Variants in DIAPH2 observed in about 807,000 individuals in gnomAD.
The protein encoded by DIAPH2 is diaphanous related formin 2.
A neutral mutation model predicts 92.7 loss-of-function variants in DIAPH2; 35 were observed. The observed-to-expected ratio is 0.38, with a 90% CI of 0.29 to 0.50. The LOEUF (loss-of-function observed/expected upper bound fraction) is 0.50. Among genes scored for constraint, DIAPH2 ranks in the 20% least tolerant of loss-of-function variants. DIAPH2 has a pLI of 0.94. For synonymous variants in DIAPH2, 301 were observed against 280.4 expected (o/e 1.07, Z -0.73); for missense variants, 701 against 819.5 (o/e 0.86, Z 1.77).
intron 26 of DIAPH2, among the ~76,000 whole-genome samples, chrX:97,595,963 T>C (rs908274514): frequency 8.9e-6 from 1 of 112,231 alleles, no homozygotes; most frequent in African/African-American, 3.2e-5. Context: ...ACTATGTTCC[T>C]GTCTTCAACC....
chrX:96,805,624 A>G (rs1424947037), intron 4 of DIAPH2, among the ~76,000 whole-genome samples: 2 of 111,267 alleles, frequency 1.8e-5, no homozygotes, highest in African/African-American at 6.5e-5. Flanking sequence ...TTTGACTGTC[A>G]GAGCTCTCAC....
Position 96,918,550 on chromosome X carries a change from G to A in DIAPH2, c.911G>A (p.Arg304Lys), listed in dbSNP as rs760242953. The part of the protein sequence containing the change: ...LLGAITTAAE[R>K]NNRERFSPIV... ...GGGGCTATAACAACAGCAGCAGAAAGAAATAACAGGGAACGATTTTCACCA... is the reference window on the plus strand; with the variant it reads ...GGGGCTATAACAACAGCAGCAGAAAAAAATAACAGGGAACGATTTTCACCA... Residue 304 changes from arginine (R) to lysine (K), a missense_variant, in exon 9 of 27, where the codon AGA becomes AAA. By Grantham distance (26) the Arg-to-Lys change is conservative (BLOSUM62 2). This residue lies in a region of DIAPH2 where 536 missense variants were observed against 599.3 expected (regional missense o/e 0.89). Coordinates refer to ENST00000324765, the MANE Select transcript of DIAPH2 (RefSeq NM_006729.5). The A allele has an allele frequency of 1.0e-5, 12 of 1,205,217 alleles. No individual in the cohort carries two copies. The highest frequency in any genetic ancestry group is 1.1e-5 in the Non-Finnish European group (10 of 893,072).
At chrX:97,036,007 A>G (rs1015352114) in intron 17 of DIAPH2, among the ~76,000 whole-genome samples, 2 of 111,680 alleles carry the variant, frequency 1.8e-5, no homozygotes, top group African/African-American at 6.5e-5. Context: ...GAGCCAGAGA[A>G]GTGAGAAGAA....
chrX:97,101,123 CA>C (rs772104036), intron 20 of DIAPH2, among the ~76,000 whole-genome samples: 2 of 111,824 alleles, frequency 1.8e-5, no homozygotes, highest in East Asian at 5.6e-4. Context: ...TCAAAGTCCA[CA>C]CTTGAAGCCT....
At chrX:97,081,814 C>G (rs1215465771) in intron 19 of DIAPH2, 1 of 88,165 alleles carries the variant, frequency 1.1e-5, no homozygotes, top group Non-Finnish European at 2.2e-5. Context: ...GAGGGAAACT[C>G]CATCTCCAAA....
At chrX:96,807,031 C>T (rs1437869495) in intron 4 of DIAPH2, among the ~76,000 whole-genome samples, 2 of 111,974 alleles carry the variant, frequency 1.8e-5, no homozygotes, top group Non-Finnish European at 1.9e-5. Context: ...CGTGAGCCAC[C>T]GCGCCTGGCC....
At chrX:97,390,030 C>T (rs933807057) in intron 25 of DIAPH2, among the ~76,000 whole-genome samples, 1 of 110,088 alleles carries the variant, frequency 9.1e-6, no homozygotes, top group African/African-American at 3.3e-5. Flanking sequence ...TTGTTATCTA[C>T]ACAGCAGTTA....
intron 4 of DIAPH2, among the ~76,000 whole-genome samples, chrX:96,875,868 C>T (rs1217480331): frequency 9.0e-6 from 1 of 111,292 alleles, no homozygotes; most frequent in Non-Finnish European, 1.9e-5. Flanking sequence ...GACTTCATGT[C>T]TAAAACACCA....
intron 23 of DIAPH2, among the ~76,000 whole-genome samples, chrX:97,294,316 G>T (rs1185207264): frequency 9.0e-6 from 1 of 111,726 alleles, no homozygotes; most frequent in Non-Finnish European, 1.9e-5. Flanking sequence ...TTATTTATTA[G>T]GACTGGAAAG....
intron 26 of DIAPH2, among the ~76,000 whole-genome samples, chrX:97,451,579 T>G (rs1205787797): frequency 4.5e-5 from 5 of 111,943 alleles, no homozygotes; most frequent in Non-Finnish European, 9.4e-5. Context: ...GCAATGTTAT[T>G]GGTTTCATTT....
At chrX:97,488,575 G>C (rs774988213) in intron 26 of DIAPH2, among the ~76,000 whole-genome samples, 3 of 111,647 alleles carry the variant, frequency 2.7e-5, no homozygotes, top group Non-Finnish European at 5.6e-5. Flanking sequence ...AGTTTTGTAG[G>C]TTTAGGTCTT....
At chrX:97,557,632 G>A (rs975961948) in intron 26 of DIAPH2, among the ~76,000 whole-genome samples, 6 of 112,338 alleles carry the variant, frequency 5.3e-5, no homozygotes, top group African/African-American at 1.9e-4. Flanking sequence ...AGTATAAAAC[G>A]AAGTGAAACA....
intron 24 of DIAPH2, among the ~76,000 whole-genome samples, chrX:97,360,534 GAA>G (rs1330979582): frequency 6.3e-5 from 7 of 110,901 alleles, no homozygotes; most frequent in African/African-American, 2.3e-4. Context: ...TGAGGCAGGA[GAA>G]TCACTTGAAC....
chrX:96,866,045 A>G (rs1238355793), intron 4 of DIAPH2, among the ~76,000 whole-genome samples: 3 of 112,168 alleles, frequency 2.7e-5, no homozygotes, highest in Non-Finnish European at 5.6e-5. Flanking sequence ...TGACTCCAAA[A>G]TTAGTTATCC....
intron 4 of DIAPH2, among the ~76,000 whole-genome samples, chrX:96,847,810 G>T (rs895547300): frequency 9.0e-6 from 1 of 110,822 alleles, no homozygotes; most frequent in South Asian, 3.9e-4. Context: ...AGGCCCCCTT[G>T]TCTGTTGTTC....
intron 23 of DIAPH2, among the ~76,000 whole-genome samples, chrX:97,328,139 A>G (rs1478373306): frequency 9.0e-6 from 1 of 111,602 alleles, no homozygotes; most frequent in Non-Finnish European, 1.9e-5. Flanking sequence ...GAAATATGTT[A>G]CTAGCTTCTT....
chrX:96,974,399 A>G (rs1748467314), intron 17 of DIAPH2, among the ~76,000 whole-genome samples: 1 of 111,818 alleles, frequency 8.9e-6, no homozygotes, highest in Non-Finnish European at 1.9e-5. Flanking sequence ...GATAGGTGAT[A>G]GATCATTGAT....
rs183860739 is a variant in DIAPH2, at chrX:97,268,540, C to A, written c.2844+20701C>A. Among the ~76,000 whole-genome samples the A allele has an allele frequency of 7.1e-5, 8 of 112,322 alleles. No homozygotes were observed. The East Asian group carries it at 2.0e-3, about 28-fold the overall frequency. On this transcript the variant is annotated intron_variant, in intron 23 of 26. Transcript: ENST00000324765. ...TCATGCCTGCAGTCTAATGTAACTT[C>A]TTTTGTTGTGGTGTGGTCTATTGGG...
chrX:97,258,877 A>G (rs1359600524), intron 23 of DIAPH2, among the ~76,000 whole-genome samples: 2 of 105,794 alleles, frequency 1.9e-5, no homozygotes, highest in Admixed American at 2.0e-4. Flanking sequence ...TCTCAAAAAA[A>G]AAAAAAAAAA....
Sources: allele counts gnomAD v4.1 joint callset (sites outside exome capture counted in the v4.1 genomes callset), GRCh38; gene constraint gnomAD v4.1.1; regional missense constraint gnomAD v4.1.1; transcripts MANE v1.5; gene names NCBI Gene and HGNC (gene_info 2026-07-23, HGNC 2026-07-21).